Variants in TRPM2 observed in about 807,000 individuals in gnomAD.
TRPM2 encodes transient receptor potential cation channel subfamily M member 2.
Under a neutral mutation model 174.0 loss-of-function variants are expected in TRPM2, and 161 were observed. The observed-to-expected ratio is 0.93, with a 90% CI of 0.81 to 1.05. The LOEUF (loss-of-function observed/expected upper bound fraction) is 1.05. TRPM2 is among the 50% of genes least tolerant of loss of function. The pLI is 0.00. For missense variants in TRPM2, 2,057 were observed against 2,038.0 expected (o/e 1.01, Z -0.18); for synonymous variants, 954 against 861.3 (o/e 1.11, Z -1.88).
chr21:44,404,488 C>A (rs142397262), intron 16 of TRPM2, among the ~76,000 whole-genome samples: 8 of 152,190 alleles, frequency 5.3e-5, no homozygotes, highest in Admixed American at 5.2e-4. Context: ...AGCAGGGGGC[C>A]GAGGTAGCTG....
chr21:44,389,346 G>A (rs576996546), intron 9 of TRPM2, among the ~76,000 whole-genome samples: 1 of 152,148 alleles, frequency 6.6e-6, no homozygotes, highest in African/African-American at 2.4e-5. Flanking sequence ...GTGCATTTAG[G>A]TTGTTTCCAG....
chr21:44,405,207 G>A lies in TRPM2; in HGVS notation c.2604G>A (p.Trp868Ter). Residue 868 changes from tryptophan (W) to a stop codon, truncating the protein, a stop_gained, in exon 17 of 32, where the codon TGG becomes TGA. Coordinates refer to ENST00000397928, the MANE Select transcript of TRPM2 (RefSeq NM_003307.4). LOFTEE classifies it high-confidence loss of function. ...KKAALYFSDFWNKLDVGAILL... is the reference protein window; with the variant it reads ...KKAALYFSDF The stretch of plus-strand genomic sequence containing the variant: ...CAGCCTTGTACTTCAGTGACTTCTG[G>A]AATAAGCTGGACGTCGGCGCAATCT... The A allele has an allele frequency of 1.2e-6, 2 of 1,613,488 alleles. No homozygotes were observed. The highest frequency in any genetic ancestry group is 8.5e-7 in the Non-Finnish European group (1 of 1,179,964).
At position 44,369,162 on chromosome 21, in the gene TRPM2, G is replaced by A. The variant is rs754909482; in HGVS notation, c.605-15G>A. 1.3e-6 allele frequency: 2 copies of A among 1,590,560 alleles called. No homozygotes were observed. Among genetic ancestry groups the A allele is most frequent in the Non-Finnish European group, 1.7e-6 (2 of 1,167,760 alleles). ...TCAGTGCTGTGGGGCCTGCCCACCC[G>A]TGCTCCTTCCCCAGGGGCCTGGATC... On this transcript the variant is annotated splice_polypyrimidine_tract_variant and intron_variant, in intron 4 of 31. Transcript: ENST00000397928.
In TRPM2 at chr21:44,379,082, C is replaced by G. The variant is rs1401528097; in HGVS notation, c.1100C>G (p.Ala367Gly). The G allele has an allele frequency of 1.4e-5, 23 of 1,613,044 alleles. No individual in the cohort carries two copies. Among genetic ancestry groups the G allele is most frequent in the Non-Finnish European group, 1.9e-5 (23 of 1,180,032 alleles). ...GRVADVIAQVANLPVSDITIS... is the reference protein window; with the variant it reads ...GRVADVIAQVGNLPVSDITIS... ...GTGGCCGACGTCATTGCCCAGGTGG[C>G]CAACCTGCCTGTCTCGGACATCACT... The change falls in exon 8 of 32, where the codon GCC (alanine) becomes GGC (glycine). Residue 367 changes from alanine to glycine, a missense_variant. Physicochemically the swap from Ala to Gly is moderately conservative, Grantham distance 60. Coordinates refer to ENST00000397928, the MANE Select transcript of TRPM2 (RefSeq NM_003307.4).
intron 6 of TRPM2, among the ~76,000 whole-genome samples, chr21:44,377,314 G>A (rs2146198002): frequency 6.6e-6 from 1 of 152,328 alleles, no homozygotes; most frequent in Middle Eastern, 3.4e-3. Context: ...GTGGCAGGTT[G>A]TGCCACCTGC....
At chr21:44,405,119 C>T in intron 16 of TRPM2, 23 bp from the exon 17 acceptor site, 1 of 1,611,594 alleles carries the variant, frequency 6.2e-7, no homozygotes, top group Non-Finnish European at 8.5e-7. Flanking sequence ...TGTCTGCCTT[C>T]CTACCGCCCC....
chr21:44,363,836 C>T (rs1602131646), intron 2 of TRPM2, among the ~76,000 whole-genome samples: 2 of 152,220 alleles, frequency 1.3e-5, no homozygotes, highest in East Asian at 3.9e-4. Context: ...AAGGAGGTCC[C>T]CCCATCACTG....
rs150945639 is a variant in TRPM2 at position 44,360,723 on chromosome 21, C to T, written c.255-3391C>T. Among the ~76,000 whole-genome samples the T allele has an allele frequency of 1.7e-3, 260 of 152,096 alleles. 1 individual carries two copies. Among genetic ancestry groups the T allele is most frequent in the African/African-American group, 5.9e-3 (245 of 41,480 alleles). ...CTGGGACTACAGGTGAGCACTACCA[C>T]GCCCAGCTAATGTTTATATTTTTAG... On this transcript the variant is annotated intron_variant, in intron 2 of 31. Coordinates refer to ENST00000397928, the MANE Select transcript of TRPM2 (RefSeq NM_003307.4).
chr21:44,392,003 C>T (rs1442456536), intron 11 of TRPM2, among the ~76,000 whole-genome samples: 1 of 152,036 alleles, frequency 6.6e-6, no homozygotes, highest in Non-Finnish European at 1.5e-5. Context: ...CTCACTCTGT[C>T]GTCCAGGCTG....
chr21:44,400,060 C>T (rs2049563758), intron 14 of TRPM2, among the ~76,000 whole-genome samples, 199 bp from the exon 15 acceptor site: 1 of 152,162 alleles, frequency 6.6e-6, no homozygotes, highest in African/African-American at 2.4e-5. Flanking sequence ...AGATGGGGTC[C>T]CATAGCTTGA....
rs1325447651 is a variant in TRPM2 at position 44,369,337 on chromosome 21, T to G, written c.765T>G (p.His255Gln). 6.2e-7 allele frequency: 1 copy of G among 1,610,692 alleles called. No homozygotes were observed. The highest frequency in any genetic ancestry group is 1.7e-5 in the Admixed American group (1 of 59,806). The change falls in exon 5 of 32, where the codon CAT (histidine) becomes CAG (glutamine). Residue 255 changes from histidine to glutamine, a missense_variant. His to Gln is a conservative substitution (Grantham distance 24). Coordinates refer to ENST00000397928, the MANE Select transcript of TRPM2 (RefSeq NM_003307.4). ...GTVHRREGLI[H>Q]PTGSFPAEYI... ...TCCACCGCCGCGAGGGCCTGATCCATCCCACGGTGAGTGCGGCCCCCTAGG... is the reference window on the plus strand; with the variant it reads ...TCCACCGCCGCGAGGGCCTGATCCAGCCCACGGTGAGTGCGGCCCCCTAGG...
intron 5 of TRPM2, among the ~76,000 whole-genome samples, chr21:44,374,023 T>G (rs1415552729): frequency 1.3e-5 from 2 of 152,238 alleles, no homozygotes; most frequent in South Asian, 2.1e-4. Flanking sequence ...CTCTTTTTTT[T>G]TTTTTGAGAT....
At chr21:44,403,813 A>G (rs542627211) in intron 16 of TRPM2, among the ~76,000 whole-genome samples, 3 of 152,048 alleles carry the variant, frequency 2.0e-5, no homozygotes, top group South Asian at 2.1e-4. Context: ...AAACACATGT[A>G]TACACATGCA....
At chr21:44,394,317 C>CTTTT (rs35448660) in intron 11 of TRPM2, among the ~76,000 whole-genome samples, 7 of 112,670 alleles carry the variant, frequency 6.2e-5, no homozygotes, top group Non-Finnish European at 9.4e-5. Context: ...AAACACATTT[C>CTTTT]TTTTTTTTTT....
chr21:44,358,650 G>A (rs1452659511), intron 2 of TRPM2, among the ~76,000 whole-genome samples: 1 of 152,226 alleles, frequency 6.6e-6, no homozygotes, highest in East Asian at 1.9e-4. Flanking sequence ...CTTGTGATAG[G>A]CTGTTAGGAA....
chr21:44,386,441 C>T (rs909440094), intron 9 of TRPM2, among the ~76,000 whole-genome samples: 2 of 151,956 alleles, frequency 1.3e-5, no homozygotes, highest in African/African-American at 2.4e-5. Context: ...CATTTCTATA[C>T]ACTAAAAATG....
At chr21:44,433,072 G>A (rs2051086699) in intron 27 of TRPM2, among the ~76,000 whole-genome samples, 2 of 152,150 alleles carry the variant, frequency 1.3e-5, no homozygotes, top group Admixed American at 6.5e-5. Flanking sequence ...CAGCATGGTG[G>A]TCCGAAGCCC....
In TRPM2 at chr21:44,433,075, C is replaced by T. The variant is rs114304835; in HGVS notation, c.3975-2056C>T. On this transcript the variant is annotated intron_variant, in intron 27 of 31. Coordinates refer to ENST00000397928, the MANE Select transcript of TRPM2 (RefSeq NM_003307.4). ...GTGGGAGGAGGGCAGCATGGTGGTC[C>T]GAAGCCCCTGCTGCCCGGCCCGCTC... 5.0e-3 allele frequency among the ~76,000 whole-genome samples: 761 copies of T among 152,184 alleles called. 6 individuals carry two copies. Among genetic ancestry groups the T allele is most frequent in the African/African-American group, 0.013 (559 of 41,516 alleles).
chr21:44,431,255 T>A (rs1338031409), intron 27 of TRPM2, among the ~76,000 whole-genome samples: 2 of 152,036 alleles, frequency 1.3e-5, no homozygotes, highest in African/African-American at 4.8e-5. Flanking sequence ...TATTTTTTAC[T>A]TTATGAATTT....
Sources: allele counts gnomAD v4.1 joint callset (sites outside exome capture counted in the v4.1 genomes callset), GRCh38; gene constraint gnomAD v4.1.1; transcripts MANE v1.5; gene names NCBI Gene and HGNC (gene_info 2026-07-23, HGNC 2026-07-21).